The following ZFP42 variants were observed in gnomAD, a reference collection of about 807,000 sequenced individuals.
ZFP42 encodes the protein ZFP42 zinc finger protein.
For synonymous variants in ZFP42, 175 were observed against 144.6 expected, an observed-to-expected ratio of 1.21 and a Z score of -1.51; for missense variants, 438 against 377.1, an observed-to-expected ratio of 1.16 and a Z score of -1.34.
At chr4:187,996,097 C>A (rs1489326748) in intron 1 of ZFP42, among the ~76,000 whole-genome samples, 12 of 152,202 alleles carry the variant, frequency 7.9e-5, no homozygotes, top group Admixed American at 3.9e-4. Flanking sequence ...AAGTGTCTGG[C>A]GGTGATTTCC....
intron 1 of ZFP42, among the ~76,000 whole-genome samples, chr4:187,998,621 A>G (rs1019128112): frequency 1.3e-5 from 2 of 152,000 alleles, no homozygotes; most frequent in African/African-American, 4.8e-5. Context: ...TTCTGTTTGG[A>G]TATGTTTATA....
chr4:187,997,228 CT>C (rs71595201), intron 1 of ZFP42, among the ~76,000 whole-genome samples: 75 of 60,018 alleles, frequency 1.2e-3, no homozygotes, highest in Non-Finnish European at 1.7e-3. Flanking sequence ...CTCTCATATT[CT>C]TTTTTTTTTT....
At chr4:187,997,478 C>T (rs1382640865) in intron 1 of ZFP42, among the ~76,000 whole-genome samples, 1 of 151,778 alleles carries the variant, frequency 6.6e-6, no homozygotes, top group African/African-American at 2.4e-5. Flanking sequence ...CCGCCCGCCT[C>T]GGCCTCCCAA....
At chr4:187,997,277 G>A (rs1449940001) in intron 1 of ZFP42, among the ~76,000 whole-genome samples, 2 of 100,510 alleles carry the variant, frequency 2.0e-5, no homozygotes, top group African/African-American at 4.1e-5. Flanking sequence ...CTTGTCGCTT[G>A]GGCTGGAGTG....
intron 1 of ZFP42, among the ~76,000 whole-genome samples, chr4:187,997,334 A>C (rs1733640636): frequency 7.1e-6 from 1 of 141,296 alleles, no homozygotes; most frequent in Non-Finnish European, 1.5e-5. Context: ...CCTAGGTTCA[A>C]GCGATTCTCC....
At chr4:187,997,177 C>T (rs1343177802) in intron 1 of ZFP42, among the ~76,000 whole-genome samples, 1 of 150,204 alleles carries the variant, frequency 6.7e-6, no homozygotes, top group Admixed American at 6.6e-5. Context: ...GGGGCCTTTT[C>T]CAGACATTCA....
At position 188,003,886 on chromosome 4, in the gene ZFP42, CTT is replaced by C; in HGVS notation, c.*148_*149del. 2.7e-6 allele frequency: 2 copies of C among 746,422 alleles called. No homozygotes were observed. The highest frequency in any genetic ancestry group is 4.3e-6 in the Non-Finnish European group (2 of 466,544). The allele number at this position is 746,422 out of a possible 1,614,324, so 46.2% of individuals were successfully genotyped here. On this transcript the variant is annotated 3_prime_UTR_variant, in exon 4 of 4. Coordinates refer to ENST00000326866, the MANE Select transcript of ZFP42 (RefSeq NM_174900.5). Reference sequence around the variant, plus strand: ...TTGGTGTTACTAAGATGCTCCTACACTTTGTGATACCGTTTTAAGGACATGGT... The same window carrying C: ...TTGGTGTTACTAAGATGCTCCTACACTGTGATACCGTTTTAAGGACATGGT...
In ZFP42 at chr4:188,003,139, T is replaced by C. The variant is rs1311434166; in HGVS notation, c.332T>C (p.Phe111Ser). 6.2e-7 allele frequency: 1 copy of C among 1,614,112 alleles called. No homozygotes were observed. Among genetic ancestry groups the C allele is most frequent in the Admixed American group, 1.7e-5 (1 of 60,018 alleles). ...GAACAACAGCTTTCTCAAAAGGTTT[T>C]CGAAGCAAGCTCCCTTGAATGTTCT... is the stretch of plus-strand genomic sequence containing the variant. Reference protein sequence around the residue: ...GSEQQLSQKVFEASSLECSLE... With the variant: ...GSEQQLSQKVSEASSLECSLE... The change falls in exon 4 of 4, where the codon TTC becomes TCC. Residue 111 changes from phenylalanine (F) to serine (S), a missense_variant. Physicochemically the swap from Phe to Ser is radical, Grantham distance 155 (BLOSUM62 -2). Transcript: ENST00000326866.
chr4:188,002,948 G>A lies in ZFP42; in HGVS notation c.141G>A (p.Trp47Ter). 5 of 1,614,150 alleles carry A rather than the reference G, an allele frequency of 3.1e-6. No homozygotes were observed. Among genetic ancestry groups the A allele is most frequent in the Non-Finnish European group, 4.2e-6 (5 of 1,180,036 alleles). Residue 47 changes from tryptophan (W) to a stop codon, truncating the protein, a stop_gained, in exon 4 of 4, where the codon TGG (tryptophan) becomes TGA (stop). Coordinates refer to ENST00000326866, the MANE Select transcript of ZFP42 (RefSeq NM_174900.5). LOFTEE classifies it low-confidence loss of function (END_TRUNC). ...AAATAGAACCTGTCAGCGCGGTGTGGGCCTTATGTGATGGCTATGTGTGCT... is the reference window on the plus strand; with the variant it reads ...AAATAGAACCTGTCAGCGCGGTGTGAGCCTTATGTGATGGCTATGTGTGCT... ...QAEIEPVSAVWALCDGYVCYE... is the reference protein window; with the variant it reads ...QAEIEPVSAV
Position 188,003,712 on chromosome 4 carries a change from CGAACAAGAAT to C in ZFP42, c.914_923del (p.Asn305ArgfsTer9), listed in dbSNP as rs758633846. On this transcript the variant is annotated frameshift_variant, in exon 4 of 4. Coordinates refer to ENST00000326866, the MANE Select transcript of ZFP42 (RefSeq NM_174900.5). LOFTEE classifies it low-confidence loss of function (END_TRUNC). ...GCCCACATCCTAACGCATGCAAATACGAACAAGAATGAACAAGAGGGAAAGTAGTCCTCCA... is the reference window on the plus strand; with the variant it reads ...GCCCACATCCTAACGCATGCAAATACGAACAAGAGGGAAAGTAGTCCTCCA... The C allele has an allele frequency of 8.7e-6, 14 of 1,611,972 alleles. No individual in the cohort carries two copies. In the Admixed American group the frequency reaches 1.3e-4, roughly 15 times the overall value.
chr4:187,998,206 C>A (rs1375856686), intron 1 of ZFP42, among the ~76,000 whole-genome samples: 1 of 152,036 alleles, frequency 6.6e-6, no homozygotes, highest in East Asian at 1.9e-4. Context: ...CGTGGTGACA[C>A]ATGCCTGTAA....
chr4:187,998,855 ACTAGTTATTT>A (rs1733706136), intron 1 of ZFP42, among the ~76,000 whole-genome samples: 1 of 152,162 alleles, frequency 6.6e-6, no homozygotes, highest in African/African-American at 2.4e-5. Context: ...GTGATGCATG[ACTAGTTATTT>A]CTGCTAACAG....
chr4:187,998,394 T>A (rs1391815084), intron 1 of ZFP42, among the ~76,000 whole-genome samples: 1 of 152,158 alleles, frequency 6.6e-6, no homozygotes, highest in Non-Finnish European at 1.5e-5. Flanking sequence ...TAAGGTTAAT[T>A]TATTATTCAG....
chr4:187,996,969 C>T (rs13116010), intron 1 of ZFP42, among the ~76,000 whole-genome samples: 18 of 150,962 alleles, frequency 1.2e-4, no homozygotes, highest in African/African-American at 4.1e-4. Flanking sequence ...CCCCACCTTC[C>T]TGCCCGCCAT....
intron 3 of ZFP42, 150 bp from the exon 4 acceptor site, chr4:188,002,563 C>A (rs1169106165): frequency 3.9e-6 from 2 of 509,868 alleles, no homozygotes; most frequent in Non-Finnish European, 3.5e-6. Context: ...CTGTTTATGA[C>A]TCATGTCTTA....
chr4:187,996,183 A>G (rs1415464975), intron 1 of ZFP42, among the ~76,000 whole-genome samples: 1 of 152,100 alleles, frequency 6.6e-6, no homozygotes, highest in East Asian at 1.9e-4. Flanking sequence ...AGTCTTTTCT[A>G]TATTAACATG....
intron 3 of ZFP42, among the ~76,000 whole-genome samples, chr4:188,001,362 C>T (rs74554905): frequency 0.014 from 2,071 of 152,254 alleles, 54 homozygotes; most frequent in African/African-American, 0.046. Flanking sequence ...CATATTCATG[C>T]TATAACTTTT....
At chr4:188,001,090 T>C (rs1375578258) in intron 3 of ZFP42, among the ~76,000 whole-genome samples, 1 of 152,218 alleles carries the variant, frequency 6.6e-6, no homozygotes, top group Non-Finnish European at 1.5e-5. Context: ...ATCTTAAACT[T>C]TTCCCCTACA....
rs1579124737 is a variant in ZFP42 at position 188,004,195 on chromosome 4, C to G, written c.*455C>G. The G allele has an allele frequency of 5.9e-6, 1 of 170,664 alleles. No homozygotes were observed. The highest frequency in any genetic ancestry group is 1.9e-4 in the East Asian group (1 of 5,278). The allele number at this position is 170,664 out of a possible 1,614,324, so 10.6% of individuals were successfully genotyped here. ...AGGCATAGTGACTGATGCCTGTAAT[C>G]CCAACACTTTGTTGGGAGGCCAAAG... On this transcript the variant is annotated 3_prime_UTR_variant, in exon 4 of 4. Transcript: ENST00000326866.
Sources: allele counts gnomAD v4.1 joint callset (sites outside exome capture counted in the v4.1 genomes callset), GRCh38; gene constraint gnomAD v4.1.1; transcripts MANE v1.5; gene names NCBI Gene and HGNC (gene_info 2026-07-23, HGNC 2026-07-21).